MPDZ: variants seen among roughly 807,000 people sequenced by gnomAD.
MPDZ encodes multiple PDZ domain crumbs cell polarity complex component, also known as multiple PDZ domain protein.
In MPDZ, 234 loss-of-function variants were observed where a neutral mutation model predicts 239.1. The ratio of observed to expected loss-of-function variants is 0.98; its 90% CI spans 0.88 to 1.09. The LOEUF is 1.09. MPDZ is among the 50% of genes least tolerant of loss of function. The probability of loss-of-function intolerance (pLI) is 0.00; values close to 1 mark genes in which losing one functional copy is unlikely to be tolerated. For missense variants in MPDZ, 3,175 were observed against 2,510.0 expected (o/e 1.26, Z -5.66); for synonymous variants, 1,048 against 881.3 (o/e 1.19, Z -3.35).
Position 13,205,030 on chromosome 9 carries a change from G to A in MPDZ, c.1546+6C>T. 2 of 1,443,222 alleles carry A rather than the reference G, an allele frequency of 1.4e-6. No individual in the cohort carries two copies. The highest frequency in any genetic ancestry group is 3.0e-5 in the Admixed American group (1 of 32,822). The allele number at this position is 1,443,222 out of a possible 1,614,324, so 89.4% of individuals were successfully genotyped here. A position where few individuals can be genotyped will look rare whatever the true frequency, so the allele number is the denominator to read the frequency against. ...AGTACACAATAAGCTGGCGCTAGGT[G>A]TTTACCTTCTTCTTCAGTTGGTAAT... On this transcript the variant is annotated splice_donor_region_variant and intron_variant, in intron 12 of 46. Transcript: ENST00000319217.
intron 12 of MPDZ, among the ~76,000 whole-genome samples, chr9:13,200,392 T>C (rs544335475): frequency 7.2e-5 from 11 of 152,174 alleles, no homozygotes; most frequent in African/African-American, 2.6e-4. Context: ...ACCAACTTTC[T>C]GTTTTCTTAC....
intron 46 of MPDZ, among the ~76,000 whole-genome samples, chr9:13,108,098 A>G (rs866356891): frequency 2.0e-5 from 3 of 152,184 alleles, no homozygotes; most frequent in African/African-American, 7.2e-5. Context: ...ATATCCATAA[A>G]GAACTATACC....
intron 19 of MPDZ, among the ~76,000 whole-genome samples, chr9:13,183,033 TC>T (rs1587597872): frequency 6.6e-6 from 1 of 152,154 alleles, no homozygotes; most frequent in East Asian, 1.9e-4. Flanking sequence ...TATTTTACTA[TC>T]CAACTTTGCA....
rs1281895165 is a variant in MPDZ at position 13,222,235 on chromosome 9, G to A, written c.745C>T (p.Pro249Ser). ...AASTISAHSN[P>S]VHWQHMETIE... ...TTTTGAAAATTTTAGGTACTCACCG[G>A]ATTAGAGTGAGCTGAAATTGTGCTG... Residue 249 changes from proline to serine, a missense_variant and splice_region_variant, in exon 6 of 47, where the codon CCG (proline) becomes TCG (serine). Transcript: ENST00000319217. 8.1e-6 allele frequency: 13 copies of A among 1,611,710 alleles called. No homozygotes were observed. Among genetic ancestry groups the A allele is most frequent in the Non-Finnish European group, 1.1e-5 (13 of 1,178,608 alleles).
At position 13,175,837 on chromosome 9, in the gene MPDZ, A is replaced by G. The variant is rs1281534235; in HGVS notation, c.2970T>C (p.Cys990=). 6.3e-7 allele frequency: 1 copy of G among 1,593,070 alleles called. No individual in the cohort carries two copies. The highest frequency in any genetic ancestry group is 8.6e-7 in the Non-Finnish European group (1 of 1,169,228). ...TTTGAAGCATGACACACTCAGCATT[A>G]CAGGCCAGGGAGCTCTGTTCAAGCA... The part of the protein sequence containing the change: ...EYLLEQSSLA[C]NAECVMLQNV... Residue 990 remains cysteine (C), a synonymous_variant, in exon 21 of 47, where the codon TGT becomes TGC. Transcript: ENST00000319217.
intron 34 of MPDZ, among the ~76,000 whole-genome samples, chr9:13,126,121 T>C (rs1945076872): frequency 6.6e-6 from 1 of 152,216 alleles, no homozygotes; most frequent in Non-Finnish European, 1.5e-5. Context: ...TGTTTAACCC[T>C]AATAAAAATT....
chr9:13,118,401 A>G (rs77684103), intron 39 of MPDZ, among the ~76,000 whole-genome samples: 4,565 of 152,280 alleles, frequency 0.03, 223 homozygotes, highest in South Asian at 0.11. Context: ...CAGATCTTAT[A>G]TAAACCTGAG....
chr9:13,171,361 G>A (rs998656170), intron 21 of MPDZ, among the ~76,000 whole-genome samples: 1 of 152,098 alleles, frequency 6.6e-6, no homozygotes, highest in African/African-American at 2.4e-5. Flanking sequence ...ATGTGCCCTT[G>A]GGTAACTCAA....
chr9:13,142,569 A>G (rs1228217505), intron 27 of MPDZ, among the ~76,000 whole-genome samples: 2 of 152,160 alleles, frequency 1.3e-5, no homozygotes, highest in Non-Finnish European at 2.9e-5. Flanking sequence ...CATCAAGTAC[A>G]GCACACACAT....
At chr9:13,154,830 T>C (rs1199439323) in intron 24 of MPDZ, among the ~76,000 whole-genome samples, 10 of 152,100 alleles carry the variant, frequency 6.6e-5, no homozygotes, top group Non-Finnish European at 1.2e-4. Flanking sequence ...TTCCACCCAT[T>C]AGATTGACAA....
chr9:13,182,722 A>G (rs1953519134), intron 19 of MPDZ, among the ~76,000 whole-genome samples: 1 of 152,148 alleles, frequency 6.6e-6, no homozygotes, highest in African/African-American at 2.4e-5. Flanking sequence ...ATAGTAAGAT[A>G]CCATTTCACA....
intron 25 of MPDZ, 42 bp from the exon 26 acceptor site, chr9:13,147,700 GAAC>G (rs1294059339): frequency 1.4e-6 from 2 of 1,473,666 alleles, no homozygotes; most frequent in Non-Finnish European, 1.9e-6. Context: ...AGAATCTATA[GAAC>G]AACAAAAAAA....
chr9:13,249,716 T>C (rs1277267379), intron 2 of MPDZ, among the ~76,000 whole-genome samples: 1 of 152,182 alleles, frequency 6.6e-6, no homozygotes, highest in Non-Finnish European at 1.5e-5. Flanking sequence ...ACCTGATATA[T>C]CTACCTGTAA....
chr9:13,186,403 G>C lies in MPDZ; in HGVS notation c.2365-17C>G. The C allele has an allele frequency of 6.7e-7, 1 of 1,494,192 alleles. No individual in the cohort carries two copies. Among genetic ancestry groups the C allele is most frequent in the African/African-American group, 1.4e-5 (1 of 72,184 alleles). The allele number at this position is 1,494,192 out of a possible 1,614,324, so 92.6% of individuals were successfully genotyped here. A position where few individuals can be genotyped will look rare whatever the true frequency, so the allele number is the denominator to read the frequency against. On this transcript the variant is annotated splice_polypyrimidine_tract_variant and intron_variant, in intron 17 of 46. Transcript: ENST00000319217. The stretch of plus-strand genomic sequence containing the variant: ...TGGTGAAAGCTGCAGGGAAAAAATG[G>C]TATTCATGGAAAAGAGAGAGAACAG...
chr9:13,256,642 T>C (rs1969518866), intron 1 of MPDZ, among the ~76,000 whole-genome samples: 1 of 152,308 alleles, frequency 6.6e-6, no homozygotes, highest in South Asian at 2.1e-4. Flanking sequence ...AGTTGGAACA[T>C]GTGCAACATT....
chr9:13,184,807 G>A (rs1953869780), intron 18 of MPDZ, among the ~76,000 whole-genome samples: 1 of 151,962 alleles, frequency 6.6e-6, no homozygotes, highest in Non-Finnish European at 1.5e-5. Context: ...TTTATTTACT[G>A]TAGAGATAAA....
At chr9:13,157,974 A>G in intron 24 of MPDZ, 44 bp downstream of exon 24, 1 of 1,519,606 alleles carries the variant, frequency 6.6e-7, no homozygotes, top group Non-Finnish European at 9.1e-7. Flanking sequence ...ATCTTTAAAC[A>G]CTATATATCC....
chr9:13,121,906 G>A lies in MPDZ; in HGVS notation c.5064C>T (p.Ala1688=), dbSNP rs369289528. 1.9e-6 allele frequency: 3 copies of A among 1,613,466 alleles called. No homozygotes were observed. The highest frequency in any genetic ancestry group is 2.5e-6 in the Non-Finnish European group (3 of 1,179,756). ...LEVNGIDLRK[A]THDEAINVLR... is the part of the protein sequence containing the mutation. The stretch of plus-strand genomic sequence containing the variant: ...GGACATTGATTGCTTCATCATGTGT[G>A]GCCTTTCTCAAGTCAATTCCATTCA... Residue 1688 remains alanine (A), a synonymous_variant, in exon 38 of 47, where the codon GCC becomes GCT. Coordinates refer to ENST00000319217, the MANE Select transcript of MPDZ (RefSeq NM_001378778.1).
intron 24 of MPDZ, among the ~76,000 whole-genome samples, chr9:13,157,717 T>G (rs991994807): frequency 6.6e-6 from 1 of 152,152 alleles, no homozygotes; most frequent in African/African-American, 2.4e-5. Flanking sequence ...AAATGAATAC[T>G]TTTTGGTATA....
Sources: allele counts gnomAD v4.1 joint callset (sites outside exome capture counted in the v4.1 genomes callset), GRCh38; gene constraint gnomAD v4.1.1; transcripts MANE v1.5; gene names NCBI Gene and HGNC (gene_info 2026-07-23, HGNC 2026-07-21).